Variants in LPIN1 observed in about 807,000 individuals in gnomAD.
The protein encoded by LPIN1 is lipin 1, also known as phosphatidate phosphatase LPIN1.
LPIN1 carries 71 observed loss-of-function variants against 107.5 expected under a neutral mutation model. The ratio of observed to expected loss-of-function variants is 0.66; its 90% CI spans 0.55 to 0.80. The LOEUF is 0.80. Among genes scored for constraint, LPIN1 ranks in the 30% least tolerant of loss-of-function variants. The probability of loss-of-function intolerance (pLI) is 0.00; values close to 1 mark genes in which losing one functional copy is unlikely to be tolerated. For missense variants in LPIN1, 1,043 were observed against 1,160.6 expected, an observed-to-expected ratio of 0.90 and a Z score of 1.47; for synonymous variants, 445 against 452.6, an observed-to-expected ratio of 0.98 and a Z score of 0.21.
At position 11,677,840 on chromosome 2, in the gene LPIN1, T is replaced by G. The variant is rs1476596069; in HGVS notation, c.81+112T>G. On this transcript the variant is annotated intron_variant, in intron 1 of 21. Coordinates refer to the LPIN1 transcript ENST00000449576. ...GGGGAACATTTGCGCCCAGAGCGCC[T>G]TGTTCGGGATGGGTTTGTGCATTCA... 15 of 920,950 alleles carry G rather than the reference T, an allele frequency of 1.6e-5. No individual in the cohort carries two copies. In the East Asian group the frequency reaches 3.9e-4, roughly 24 times the overall value. The allele number at this position is 920,950 out of a possible 1,614,324, so 57.0% of individuals were successfully genotyped here.
chr2:11,814,056 TG>T (rs1680141388), intron 17 of LPIN1, among the ~76,000 whole-genome samples: 1 of 151,738 alleles, frequency 6.6e-6, no homozygotes, highest in South Asian at 2.1e-4. Context: ...CTAGGGAGTG[TG>T]GGGGGTGTGG....
upstream of LPIN1, chr2:11,677,588 G>A (rs529787014): frequency 6.1e-5 from 78 of 1,287,196 alleles, no homozygotes; most frequent in Middle Eastern, 3.8e-4. Flanking sequence ...CGGTGTTGCC[G>A]GGGGACATTT....
upstream of LPIN1, among the ~76,000 whole-genome samples, chr2:11,743,334 C>A (rs1666559458): frequency 6.6e-6 from 1 of 152,240 alleles, no homozygotes; most frequent in Non-Finnish European, 1.5e-5. This position sits in a 1 kb window ranked among gnomAD's most constrained non-coding sequence, Gnocchi z 4.7. Context: ...TTGGTTCCAG[C>A]TGTTTGCTCT....
In LPIN1 at chr2:11,815,155, C is replaced by A. The variant is rs766979418; in HGVS notation, c.2317C>A (p.Leu773Met). The change falls in exon 18 of 21, where the codon CTG becomes ATG. Residue 773 changes from leucine (L) to methionine (M), a missense_variant. Leu to Met is a conservative substitution (Grantham distance 15). Transcript: ENST00000674199. ...GATGGCGGACATGACGCGGGGCTAC[C>A]TGCACTGGGTCAACGAGAGGGGCAC... is the stretch of plus-strand genomic sequence containing the variant. ...IGMADMTRGY[L>M]HWVNERGTVL... 6.2e-7 allele frequency: 1 copy of A among 1,614,206 alleles called. No individual in the cohort carries two copies. The highest frequency in any genetic ancestry group is 1.3e-5 in the African/African-American group (1 of 75,050).
At chr2:11,714,776 CGG>C (rs1558743060) in intron 2 of LPIN1, among the ~76,000 whole-genome samples, 1 of 152,162 alleles carries the variant, frequency 6.6e-6, no homozygotes, top group South Asian at 2.1e-4. Context: ...CTTGTGGCTA[CGG>C]AACAAAAGTA....
At chr2:11,787,267 TA>T in intron 11 of LPIN1, 100 bp downstream of exon 11, 1 of 871,124 alleles carries the variant, frequency 1.1e-6, no homozygotes. Flanking sequence ...ATATATAAAA[TA>T]AAGACTTTGC....
At chr2:11,785,566 A>G (rs1351004687) in intron 10 of LPIN1, among the ~76,000 whole-genome samples, 1 of 152,180 alleles carries the variant, frequency 6.6e-6, no homozygotes, top group African/African-American at 2.4e-5. Flanking sequence ...TGACAGTTCC[A>G]TGGCAGGGTG....
intron 1 of LPIN1, among the ~76,000 whole-genome samples, chr2:11,706,702 T>C (rs1357853389): frequency 7.9e-5 from 12 of 152,298 alleles, no homozygotes; most frequent in South Asian, 2.1e-4. Flanking sequence ...TGAATTCTCT[T>C]TCCATTGCCA....
intron 1 of LPIN1, among the ~76,000 whole-genome samples, chr2:11,687,766 A>T (rs1453516188): frequency 1.3e-5 from 2 of 152,258 alleles, no homozygotes; most frequent in Middle Eastern, 3.2e-3. Flanking sequence ...CAAGCTCACC[A>T]ACACTCACGG....
intron 3 of LPIN1, among the ~76,000 whole-genome samples, chr2:11,770,663 C>T (rs375209391): frequency 2.6e-5 from 4 of 152,164 alleles, no homozygotes; most frequent in South Asian, 4.1e-4. Context: ...TTATTGTCAA[C>T]GAGTTTCTCA....
intron 1 of LPIN1, chr2:11,681,489 C>A: frequency 6.3e-6 from 1 of 157,938 alleles, no homozygotes; most frequent in South Asian, 1.7e-4. Flanking sequence ...CTTCTGCCGT[C>A]ATTGTAAGTT....
At chr2:11,715,109 G>T in intron 2 of LPIN1, among the ~76,000 whole-genome samples, 1 of 152,326 alleles carries the variant, frequency 6.6e-6, no homozygotes, top group Middle Eastern at 3.4e-3. Context: ...TCCGCTCTGT[G>T]AGAAGGTGCA....
At chr2:11,819,922 A>G (rs1681231696) in intron 19 of LPIN1, among the ~76,000 whole-genome samples, 1 of 152,216 alleles carries the variant, frequency 6.6e-6, no homozygotes, top group South Asian at 2.1e-4. Context: ...GAACCGCAAA[A>G]TCAGTCCTAA....
intron 1 of LPIN1, among the ~76,000 whole-genome samples, chr2:11,708,192 G>GC (rs1017462153): frequency 2.0e-5 from 3 of 152,144 alleles, no homozygotes; most frequent in African/African-American, 7.2e-5. Context: ...TTCACTGTTG[G>GC]CCCCCCGACA....
chr2:11,804,347 T>C (rs1251613311), intron 15 of LPIN1, 76 bp from the exon 16 acceptor site: 6 of 1,541,846 alleles, frequency 3.9e-6, no homozygotes, highest in Admixed American at 3.3e-5. Flanking sequence ...CTGCTTCTCA[T>C]AGAACAGAAG....
chr2:11,820,407 A>T lies in LPIN1; in HGVS notation c.2518-4A>T, dbSNP rs1444071622. 1 of 1,566,914 alleles carries T rather than the reference A, an allele frequency of 6.4e-7. No homozygotes were observed. On this transcript the variant is annotated splice_region_variant and splice_polypyrimidine_tract_variant and intron_variant, in intron 19 of 20. Transcript: ENST00000674199. ...ACACTTTAAATCACCTTTACCAAAT[A>T]TAGGATGTGTATTCATACAAGCAAG...
chr2:11,768,706 G>A (rs1426851142), intron 3 of LPIN1, among the ~76,000 whole-genome samples: 2 of 152,144 alleles, frequency 1.3e-5, no homozygotes, highest in Non-Finnish European at 2.9e-5. Flanking sequence ...GGAGGTCGAG[G>A]TGGGCGGATC....
chr2:11,821,743 G>A (rs1222484732), intron 20 of LPIN1, among the ~76,000 whole-genome samples: 1 of 152,146 alleles, frequency 6.6e-6, no homozygotes, highest in East Asian at 1.9e-4. Flanking sequence ...TGTCAATAGG[G>A]CAGTTCTAGG....
Position 11,765,264 on chromosome 2 carries a change from G to A in LPIN1, c.-9-269G>A, listed in dbSNP as rs150914255. ...GCCCTGATGGACCCTGATGGACCCTGATGGGCCGTGATGGACCCTGATGGG... is the reference window on the plus strand; with the variant it reads ...GCCCTGATGGACCCTGATGGACCCTAATGGGCCGTGATGGACCCTGATGGG... On this transcript the variant is annotated intron_variant, in intron 1 of 20. Transcript: ENST00000674199. The surrounding 1 kb of genome is among the most constrained non-coding windows in gnomAD (Gnocchi z 4.4). Among the ~76,000 whole-genome samples the A allele has an allele frequency of 1.1e-4, 17 of 151,906 alleles. No individual in the cohort carries two copies. Among genetic ancestry groups the A allele is most frequent in the African/African-American group, 3.9e-4 (16 of 41,334 alleles).
Sources: allele counts gnomAD v4.1 joint callset (sites outside exome capture counted in the v4.1 genomes callset), GRCh38; gene constraint gnomAD v4.1.1; non-coding constraint Gnocchi (gnomAD v3.1); transcripts MANE v1.5; gene names NCBI Gene and HGNC (gene_info 2026-07-23, HGNC 2026-07-21).